The following SGCZ variants were observed in gnomAD, a reference collection of about 807,000 sequenced individuals.
SGCZ encodes the protein sarcoglycan zeta, also known as zeta-sarcoglycan.
SGCZ carries 40 observed loss-of-function variants against 41.3 expected under a neutral mutation model. The ratio of observed to expected loss-of-function variants is 0.97; its 90% CI spans 0.75 to 1.26. SGCZ has a LOEUF of 1.26. Ranked by LOEUF, SGCZ falls within the 50% of genes most tolerant of loss-of-function variation. SGCZ has a pLI of 0.00. For missense variants in SGCZ, 552 were observed against 369.8 expected, an observed-to-expected ratio of 1.49 and a Z score of -4.04; for synonymous variants, 206 against 137.5, an observed-to-expected ratio of 1.50 and a Z score of -3.49.
At chr8:14,790,099 A>G (rs944998256) in intron 1 of SGCZ, among the ~76,000 whole-genome samples, 1 of 152,176 alleles carries the variant, frequency 6.6e-6, no homozygotes, top group African/African-American at 2.4e-5. Flanking sequence ...CATAATCAAG[A>G]CAGCATTCTG....
At chr8:14,712,411 C>G (rs757627371) in intron 1 of SGCZ, among the ~76,000 whole-genome samples, 7 of 152,184 alleles carry the variant, frequency 4.6e-5, no homozygotes, top group Non-Finnish European at 8.8e-5. Context: ...ATTAGAATCA[C>G]TTAGTTCATT....
intron 1 of SGCZ, among the ~76,000 whole-genome samples, chr8:14,760,801 A>G (rs1799844555): frequency 6.6e-6 from 1 of 152,142 alleles, no homozygotes; most frequent in Non-Finnish European, 1.5e-5. Flanking sequence ...CCCTACTTAT[A>G]CTAAAAAGTT....
intron 3 of SGCZ, among the ~76,000 whole-genome samples, chr8:14,246,599 GAA>G (rs71209032): frequency 1.4e-5 from 2 of 145,670 alleles, no homozygotes; most frequent in African/African-American, 2.5e-5. Context: ...AGTATAATAA[GAA>G]AAAAAAAAAG....
chr8:15,099,483 G>A (rs1334771362), intron 1 of SGCZ, among the ~76,000 whole-genome samples: 1 of 152,090 alleles, frequency 6.6e-6, no homozygotes, highest in Non-Finnish European at 1.5e-5. Context: ...TCCCCAAAAT[G>A]GAAAGCTCAA....
At chr8:14,379,982 C>T (rs1487042427) in intron 2 of SGCZ, among the ~76,000 whole-genome samples, 1 of 152,160 alleles carries the variant, frequency 6.6e-6, no homozygotes, top group African/African-American at 2.4e-5. Context: ...ATCCACCCAC[C>T]TCGGCCTCCG....
At chr8:14,313,548 C>G (rs929099942) in intron 3 of SGCZ, among the ~76,000 whole-genome samples, 4 of 152,132 alleles carry the variant, frequency 2.6e-5, no homozygotes, top group African/African-American at 9.7e-5. Context: ...AACACCCGAC[C>G]TAAAATGATC....
intron 2 of SGCZ, among the ~76,000 whole-genome samples, chr8:14,399,354 G>C (rs533647160): frequency 9.2e-5 from 14 of 152,018 alleles, no homozygotes; most frequent in Non-Finnish European, 1.9e-4. Context: ...AATCTGACAG[G>C]CCTGGGCATC....
intron 2 of SGCZ, among the ~76,000 whole-genome samples, chr8:14,475,915 C>T (rs1332590718): frequency 6.6e-6 from 1 of 151,818 alleles, no homozygotes; most frequent in Non-Finnish European, 1.5e-5. Flanking sequence ...AGCTCACTGT[C>T]ACCTCAAACT....
chr8:14,763,079 T>C (rs1041453340), intron 1 of SGCZ, among the ~76,000 whole-genome samples: 1 of 152,186 alleles, frequency 6.6e-6, no homozygotes, highest in Non-Finnish European at 1.5e-5. Context: ...TCAATATTTT[T>C]AAAAATTTGT....
chr8:14,906,111 T>C (rs1409957008), intron 1 of SGCZ, among the ~76,000 whole-genome samples: 2 of 152,078 alleles, frequency 1.3e-5, no homozygotes, highest in Non-Finnish European at 2.9e-5. Flanking sequence ...ATTTGAGATA[T>C]AAGAGATAAA....
chr8:14,395,372 A>G (rs1798882835), intron 2 of SGCZ, among the ~76,000 whole-genome samples: 1 of 152,176 alleles, frequency 6.6e-6, no homozygotes, highest in Non-Finnish European at 1.5e-5. Context: ...TAGCAGAAGA[A>G]AAAACATGAC....
Position 14,554,920 on chromosome 8 carries a change from G to C in SGCZ, c.46C>G (p.Arg16Gly). ...NLDIEELKMTREQYILATQQN... is the reference protein window; with the variant it reads ...NLDIEELKMTGEQYILATQQN... ...TGGGTTGCTAGTATGTATTGTTCTC[G>C]TGTCATCTGAAAAAGAAAAAAGAAA... The change falls in exon 2 of 8, where the codon CGA becomes GGA. Residue 16 changes from arginine to glycine, a missense_variant. Physicochemically the swap from Arg to Gly is moderately radical, Grantham distance 125 (BLOSUM62 -2). Coordinates refer to ENST00000382080, the MANE Select transcript of SGCZ (RefSeq NM_139167.4). 2 of 1,537,854 alleles carry C rather than the reference G, an allele frequency of 1.3e-6. No individual in the cohort carries two copies. The highest frequency in any genetic ancestry group is 1.8e-6 in the Non-Finnish European group (2 of 1,139,506).
At chr8:14,643,051 A>T (rs1807079818) in intron 1 of SGCZ, among the ~76,000 whole-genome samples, 1 of 151,668 alleles carries the variant, frequency 6.6e-6, no homozygotes, top group South Asian at 2.1e-4. Context: ...CTATAAAGCA[A>T]ATGTGCTATA....
rs572818053 is a variant in SGCZ at position 14,995,963 on chromosome 8, G to T, written c.39+241622C>A. On this transcript the variant is annotated intron_variant, in intron 1 of 7. Coordinates refer to ENST00000382080, the MANE Select transcript of SGCZ (RefSeq NM_139167.4). ...CTGTTGTCCGGGGTGGAGTGCAGTG[G>T]TGTGATCTCGCCTCACTGCAACCTC... Among the ~76,000 whole-genome samples the T allele has an allele frequency of 7.9e-5, 12 of 152,160 alleles. No individual in the cohort carries two copies. In the East Asian group the frequency reaches 1.9e-3, roughly 25 times the overall value.
At chr8:14,231,692 G>A (rs992556791) in intron 4 of SGCZ, among the ~76,000 whole-genome samples, 1 of 151,988 alleles carries the variant, frequency 6.6e-6, no homozygotes, top group African/African-American at 2.4e-5. Context: ...GGATTACTAG[G>A]CTCAATGATT....
intron 4 of SGCZ, among the ~76,000 whole-genome samples, chr8:14,208,999 G>T (rs1003677967): frequency 6.6e-6 from 1 of 152,324 alleles, no homozygotes; most frequent in South Asian, 2.1e-4. Context: ...TCTCTTGGGT[G>T]AATGCTGGTA....
chr8:14,469,782 A>G (rs943037355), intron 2 of SGCZ, among the ~76,000 whole-genome samples: 4 of 152,276 alleles, frequency 2.6e-5, no homozygotes, highest in Middle Eastern at 3.4e-3. Context: ...TAAAGCCCTT[A>G]TAAAAACCCA....
At chr8:14,427,373 A>G (rs1248500681) in intron 2 of SGCZ, among the ~76,000 whole-genome samples, 2 of 152,132 alleles carry the variant, frequency 1.3e-5, no homozygotes, top group Non-Finnish European at 2.9e-5. Context: ...AAAAAGAAAG[A>G]AAGAAAAAGA....
chr8:14,803,562 C>T (rs1180968942), intron 1 of SGCZ, among the ~76,000 whole-genome samples: 6 of 152,096 alleles, frequency 3.9e-5, no homozygotes, highest in East Asian at 3.9e-4. Flanking sequence ...ATCCCGCACC[C>T]GGCTCAGAGG....
Sources: gnomAD v4.1 joint callset for allele counts (sites outside exome capture counted in the v4.1 genomes callset) on GRCh38, gnomAD v4.1.1 for gene constraint, MANE v1.5 for transcripts, NCBI Gene and HGNC (gene_info 2026-07-23, HGNC 2026-07-21) for gene names.